ZNF773: variants seen among roughly 807,000 people sequenced by gnomAD.
The protein encoded by ZNF773 is zinc finger protein 773, also known as zinc finger protein 419B.
Under a neutral mutation model 12.8 loss-of-function variants are expected in ZNF773, and 11 were observed. The ratio of observed to expected loss-of-function variants is 0.86; its 90% CI spans 0.54 to 1.42. The LOEUF (loss-of-function observed/expected upper bound fraction) is 1.42, where lower values mean the gene tolerates loss of function less well. ZNF773 is among the 40% of genes most tolerant of loss of function. The pLI, the probability that ZNF773 is intolerant of heterozygous loss-of-function variation, is 0.00. For synonymous variants in ZNF773, 175 were observed against 178.4 expected (o/e 0.98, Z 0.15); for missense variants, 518 against 527.2 (o/e 0.98, Z 0.17).
intron 3 of ZNF773, among the ~76,000 whole-genome samples, chr19:57,505,736 A>C (rs1165291817): frequency 7.4e-6 from 1 of 135,652 alleles, no homozygotes; most frequent in African/African-American, 2.8e-5. Context: ...TTTTTGACAG[A>C]GTCTTGCTCT....
Position 57,500,085 on chromosome 19 carries a change from C to T in ZNF773, c.5C>T (p.Ala2Val), listed in dbSNP as rs1275296298. The change falls in exon 1 of 4, where the codon GCG becomes GTG. Residue 2 changes from alanine to valine, a missense_variant. Coordinates refer to ENST00000282292, the MANE Select transcript of ZNF773 (RefSeq NM_198542.3). M[A>V]AATLRDPAQQ... ...GTCTCACCGCCACAGGCTCCGATGGCGGCGGCCACGCTGAGGGACCCCGCT... is the reference window on the plus strand; with the variant it reads ...GTCTCACCGCCACAGGCTCCGATGGTGGCGGCCACGCTGAGGGACCCCGCT... 1.9e-6 allele frequency: 3 copies of T among 1,603,356 alleles called. No individual in the cohort carries two copies. Among genetic ancestry groups the T allele is most frequent in the Admixed American group, 1.7e-5 (1 of 59,404 alleles).
At chr19:57,515,413 C>T (rs896833228), downstream of ZNF773, 2 of 152,236 alleles carry the variant, frequency 1.3e-5, no homozygotes, top group Admixed American at 6.5e-5. Flanking sequence ...AAGCCTACCC[C>T]ACTTGCCAGC....
downstream of ZNF773, chr19:57,508,614 C>A (rs1240356745): frequency 1.4e-6 from 1 of 690,388 alleles, no homozygotes; most frequent in Non-Finnish European, 2.6e-6. Context: ...AAATTGTGTT[C>A]TAAATGGTTA....
Position 57,505,405 on chromosome 19 carries a change from T to C in ZNF773, c.262+5T>C. 6.2e-7 allele frequency: 1 copy of C among 1,614,100 alleles called. No homozygotes were observed. Among genetic ancestry groups the C allele is most frequent in the Non-Finnish European group, 8.5e-7 (1 of 1,180,006 alleles). On this transcript the variant is annotated splice_donor_5th_base_variant and intron_variant, in intron 3 of 3. Transcript: ENST00000282292. ...TGACTTCAGCCATACTGAGAGGTAC[T>C]TGGTGGGTGGAGCTCAGGGAGGTAT...
At position 57,504,664 on chromosome 19, in the gene ZNF773, A is replaced by G. The variant is rs781190734; in HGVS notation, c.41A>G (p.Tyr14Cys). Residue 14 changes from tyrosine (Y) to cysteine (C), a missense_variant, in exon 2 of 4, where the codon TAT becomes TGT. Tyr to Cys is a radical substitution (Grantham distance 194). Coordinates refer to ENST00000282292, the MANE Select transcript of ZNF773 (RefSeq NM_198542.3). ...CAACTCTGTCCATCTTAGCAGGGCT[A>G]TGTGACCTTTGAGGACGTGGCTGTC... ...ATLRDPAQQG[Y>C]VTFEDVAVYF... The G allele has an allele frequency of 7.4e-6, 12 of 1,614,104 alleles. No homozygotes were observed. Among genetic ancestry groups the G allele is most frequent in the East Asian group, 2.2e-5 (1 of 44,858 alleles).
chr19:57,512,828 G>T (rs568950922), downstream of ZNF773, among the ~76,000 whole-genome samples: 14 of 152,218 alleles, frequency 9.2e-5, no homozygotes, highest in South Asian at 2.9e-3. Flanking sequence ...TATAAAGAAA[G>T]CAATTATGTG....
In ZNF773 at chr19:57,504,665, T is replaced by C; in HGVS notation, c.42T>C (p.Tyr14=). ...AACTCTGTCCATCTTAGCAGGGCTA[T>C]GTGACCTTTGAGGACGTGGCTGTCT... is the stretch of plus-strand genomic sequence containing the variant. The part of the protein sequence containing the change: ...ATLRDPAQQG[Y]VTFEDVAVYF... Residue 14 remains tyrosine, a synonymous_variant, in exon 2 of 4, where the codon TAT becomes TAC. Coordinates refer to ENST00000282292, the MANE Select transcript of ZNF773 (RefSeq NM_198542.3). 6.2e-7 allele frequency: 1 copy of C among 1,614,130 alleles called. No individual in the cohort carries two copies. Among genetic ancestry groups the C allele is most frequent in the Non-Finnish European group, 8.5e-7 (1 of 1,180,008 alleles).
chr19:57,507,105 G>A lies in ZNF773; in HGVS notation c.1010G>A (p.Gly337Glu). ...GERPYKCSEC[G>E]KFYSHKSSLI... ...AGACCTTATAAGTGCAGTGAATGTG[G>A]AAAATTCTATAGCCACAAGTCCAGC... Residue 337 changes from glycine to glutamate, a missense_variant, in exon 4 of 4, where the codon GGA becomes GAA. Gly to Glu is a moderately conservative substitution (Grantham distance 98). Coordinates refer to ENST00000282292, the MANE Select transcript of ZNF773 (RefSeq NM_198542.3). 1.2e-6 allele frequency: 2 copies of A among 1,614,108 alleles called. No individual in the cohort carries two copies. The highest frequency in any genetic ancestry group is 1.7e-6 in the Non-Finnish European group (2 of 1,180,004).
chr19:57,510,204 A>T (rs542283363), downstream of ZNF773, among the ~76,000 whole-genome samples: 1 of 152,362 alleles, frequency 6.6e-6, no homozygotes, highest in East Asian at 1.9e-4. Context: ...AACAATAATA[A>T]ATCATAACCT....
chr19:57,511,128 C>T (rs374471082), downstream of ZNF773, among the ~76,000 whole-genome samples: 3 of 151,604 alleles, frequency 2.0e-5, no homozygotes, highest in Admixed American at 6.6e-5. Context: ...CAGCTCACTG[C>T]TGTGTCTGCC....
Position 57,507,399 on chromosome 19 carries a change from G to C in ZNF773, c.1304G>C (p.Arg435Thr), listed in dbSNP as rs752315832. Reference sequence around the variant, plus strand: ...AGCTCCAGTCTTGTTAAACATCGAAGGATTCACACTGGAGAAATACAATGA... The same window carrying C: ...AGCTCCAGTCTTGTTAAACATCGAACGATTCACACTGGAGAAATACAATGA... ...RHSSSLVKHR[R>T]IHTGEIQ The change falls in exon 4 of 4, where the codon AGG becomes ACG. Residue 435 changes from arginine (R) to threonine (T), a missense_variant. Transcript: ENST00000282292. 1 of 1,605,332 alleles carries C rather than the reference G, an allele frequency of 6.2e-7. No homozygotes were observed. Among genetic ancestry groups the C allele is most frequent in the Non-Finnish European group, 8.5e-7 (1 of 1,176,580 alleles).
chr19:57,515,622 T>C (rs942648238), downstream of ZNF773: 3 of 152,168 alleles, frequency 2.0e-5, no homozygotes, highest in African/African-American at 7.2e-5. Flanking sequence ...TGACATTGTC[T>C]GTCACCTTTT....
In ZNF773 at chr19:57,508,200, A is replaced by G; in HGVS notation, c.*776A>G. Reference sequence around the variant, plus strand: ...ACTCTGAGGGTGATCTTTATGAGGGAGCTGGCAATTGAACATCATTCATCC... The same window carrying G: ...ACTCTGAGGGTGATCTTTATGAGGGGGCTGGCAATTGAACATCATTCATCC... On this transcript the variant is annotated 3_prime_UTR_variant, in exon 4 of 4. Coordinates refer to ENST00000282292, the MANE Select transcript of ZNF773 (RefSeq NM_198542.3). The G allele has an allele frequency of 9.5e-7, 1 of 1,054,044 alleles. No homozygotes were observed. The highest frequency in any genetic ancestry group is 1.1e-6 in the Non-Finnish European group (1 of 874,370). 65.3% of individuals were successfully genotyped at this position (1,054,044 alleles called of 1,614,324 possible). A position where few individuals can be genotyped will look rare whatever the true frequency, so the allele number is the denominator to read the frequency against.
chr19:57,512,400 ATTT>A (rs747914066), downstream of ZNF773, among the ~76,000 whole-genome samples: 772 of 113,246 alleles, frequency 6.8e-3, 6 homozygotes, highest in African/African-American at 0.023. Flanking sequence ...AAGATGCAGT[ATTT>A]TTTTTTTTTT....
At chr19:57,506,283 G>A in intron 3 of ZNF773, 75 bp from the exon 4 acceptor site, 1 of 1,535,664 alleles carries the variant, frequency 6.5e-7, no homozygotes, top group Non-Finnish European at 8.7e-7. Context: ...TACCAGGTGT[G>A]TCAGACACGT....
chr19:57,502,513 C>T (rs2089681519), intron 1 of ZNF773, among the ~76,000 whole-genome samples: 1 of 152,124 alleles, frequency 6.6e-6, no homozygotes, highest in Non-Finnish European at 1.5e-5. Flanking sequence ...GGGAAGGCTA[C>T]ACAGGGATTA....
At chr19:57,500,626 G>T (rs73070961) in intron 1 of ZNF773, among the ~76,000 whole-genome samples, 1 of 147,976 alleles carries the variant, frequency 6.8e-6, no homozygotes, top group African/African-American at 2.5e-5. Flanking sequence ...CTGAACAGAC[G>T]GGAATTCCTG....
intron 3 of ZNF773, among the ~76,000 whole-genome samples, chr19:57,505,894 A>G (rs1364989145): frequency 2.0e-5 from 3 of 151,920 alleles, no homozygotes; most frequent in African/African-American, 4.8e-5. Flanking sequence ...TATTTTTAGT[A>G]GAGACTGGGT....
rs537934376 is a variant in ZNF773 at position 57,502,637 on chromosome 19, A to G, written c.34-2020A>G. ...GTAGTCTGTGTGAGTGCTGGACCAGAGTGGTGGCTGTGGACGTAGGAGATG... is the reference window on the plus strand; with the variant it reads ...GTAGTCTGTGTGAGTGCTGGACCAGGGTGGTGGCTGTGGACGTAGGAGATG... On this transcript the variant is annotated intron_variant, in intron 1 of 3. Coordinates refer to ENST00000282292, the MANE Select transcript of ZNF773 (RefSeq NM_198542.3). 8.7e-4 allele frequency among the ~76,000 whole-genome samples: 133 copies of G among 152,230 alleles called. 2 individuals carry two copies. Among genetic ancestry groups the G allele is most frequent in the South Asian group, 3.1e-3 (15 of 4,814 alleles).
Sources: allele counts gnomAD v4.1 joint callset (sites outside exome capture counted in the v4.1 genomes callset), GRCh38; gene constraint gnomAD v4.1.1; transcripts MANE v1.5; gene names NCBI Gene and HGNC (gene_info 2026-07-23, HGNC 2026-07-21).